The following ZNF394 variants were observed in gnomAD, a reference collection of about 807,000 sequenced individuals.
The protein encoded by ZNF394 is zinc finger protein 99.
In ZNF394, 19 loss-of-function variants were observed where a neutral mutation model predicts 21.8. That is an observed-to-expected ratio of 0.87 (90% CI 0.61 to 1.28). ZNF394 has a LOEUF of 1.28. Ranked by LOEUF, ZNF394 falls within the 50% of genes most tolerant of loss-of-function variation. The pLI is 0.00. For missense variants in ZNF394, 683 were observed against 708.6 expected, an observed-to-expected ratio of 0.96 and a Z score of 0.41; for synonymous variants, 294 against 273.3, an observed-to-expected ratio of 1.08 and a Z score of -0.75.
At chr7:99,495,944 C>T (rs1800293684) in intron 2 of ZNF394, among the ~76,000 whole-genome samples, 1 of 151,058 alleles carries the variant, frequency 6.6e-6, no homozygotes, top group South Asian at 2.1e-4. Flanking sequence ...CTTTTTGAGA[C>T]AGAGTCTCAC....
At chr7:99,488,071 CAAAAAAAAAAAAA>C (rs1180851983) in intron 1 of ZNF394, among the ~76,000 whole-genome samples, 3 of 68,254 alleles carry the variant, frequency 4.4e-5, no homozygotes, top group Non-Finnish European at 1.0e-4. Context: ...GACTCCGTCT[CAAAAAAAAAAAAA>C]AAAAAAAAAC....
intron 2 of ZNF394, among the ~76,000 whole-genome samples, chr7:99,497,155 T>TATATATATATATATATATATATAA (rs1285527600): frequency 7.5e-6 from 1 of 132,612 alleles, no homozygotes; most frequent in African/African-American, 3.2e-5. Context: ...TATATATATA[T>TATATATATATATATATATATATAA]AAAATGTTTT....
chr7:99,487,773 CAA>C (rs1195630820), intron 1 of ZNF394, among the ~76,000 whole-genome samples: 2 of 140,498 alleles, frequency 1.4e-5, no homozygotes, highest in East Asian at 2.1e-4. Flanking sequence ...GAGGCTGTCT[CAA>C]AAAAAAAAAA....
intron 1 of ZNF394, among the ~76,000 whole-genome samples, chr7:99,488,112 G>A (rs1450999779): frequency 1.3e-5 from 2 of 150,602 alleles, no homozygotes; most frequent in African/African-American, 4.9e-5. Context: ...AGGTTATTAG[G>A]CTGTTGTGTC....
chr7:99,487,839 G>A (rs958750052), intron 1 of ZNF394, among the ~76,000 whole-genome samples: 3 of 151,740 alleles, frequency 2.0e-5, no homozygotes, highest in Non-Finnish European at 2.9e-5. Flanking sequence ...TTGGGAGGCC[G>A]AGGTGGGCGG....
rs142631169 is a variant in ZNF394 at position 99,499,956 on chromosome 7, G to A, written c.138C>T (p.Pro46=). ...LLPVKVEEDS[P]GSWEPNYPAA... ...CGGGATAGTTGGGCTCCCAACTTCC[G>A]GGTGAGTCTTCCTCCACTTTCACGG... is the stretch of plus-strand genomic sequence containing the variant. Residue 46 remains proline, a synonymous_variant, in exon 1 of 3, where the codon CCC becomes CCT. Transcript: ENST00000337673. 6.2e-7 allele frequency: 1 copy of A among 1,613,854 alleles called. No individual in the cohort carries two copies. Among genetic ancestry groups the A allele is most frequent in the African/African-American group, 1.3e-5 (1 of 75,070 alleles).
At chr7:99,498,638 T>C (rs370445866) in intron 2 of ZNF394, 78 bp downstream of exon 2, 25 of 1,591,122 alleles carry the variant, frequency 1.6e-5, no homozygotes, top group Non-Finnish European at 2.1e-5. Context: ...GGGAATGGCA[T>C]AGTGGCTCAG....
chr7:99,499,411 AAG>A (rs1278562297), intron 1 of ZNF394, among the ~76,000 whole-genome samples: 12 of 151,560 alleles, frequency 7.9e-5, no homozygotes, highest in African/African-American at 2.9e-4. Context: ...AAAAAAAAAA[AAG>A]AAAAGAAAAA....
chr7:99,487,603 G>T, intron 1 of ZNF394: 2 of 1,281,634 alleles, frequency 1.6e-6, no homozygotes, highest in Non-Finnish European at 2.1e-6. Context: ...TTTTTCTATG[G>T]GAGCCATCTT....
intron 2 of ZNF394, among the ~76,000 whole-genome samples, chr7:99,497,482 T>C (rs1800375129): frequency 6.7e-6 from 1 of 149,784 alleles, no homozygotes; most frequent in Non-Finnish European, 1.5e-5. Flanking sequence ...GCCTGGCCTA[T>C]AATGTTTTTC....
At position 99,493,398 on chromosome 7, in the gene ZNF394, A is replaced by G. The variant is rs1800204237; in HGVS notation, c.*131T>C. The G allele has an allele frequency of 3.0e-6, 3 of 1,000,222 alleles. No individual in the cohort carries two copies. The highest frequency in any genetic ancestry group is 3.3e-5 in the African/African-American group (2 of 61,240). 62.0% of individuals were successfully genotyped at this position (1,000,222 alleles called of 1,614,324 possible). Reference sequence around the variant, plus strand: ...CAGCCTCCCGAATAGCTGGGCTTACAGGCATGCACCACCATGCCCGGCTCA... The same window carrying G: ...CAGCCTCCCGAATAGCTGGGCTTACGGGCATGCACCACCATGCCCGGCTCA... On this transcript the variant is annotated 3_prime_UTR_variant, in exon 3 of 3. Coordinates refer to ENST00000337673, the MANE Select transcript of ZNF394 (RefSeq NM_032164.4).
chr7:99,498,786 G>C lies in ZNF394; in HGVS notation c.513C>G (p.Arg171=). Residue 171 remains arginine (R), a synonymous_variant, in exon 2 of 3, where the codon CGC becomes CGG. Transcript: ENST00000337673. ...AGAAGTCCCTCCGTGCTGGGTCCAG[G>C]CGCTCCCACTCCTCCCAGGTTAGAG... ...AVSLTWEEWE[R]LDPARRDFCR... is the part of the protein sequence containing the mutation. 6.2e-7 allele frequency: 1 copy of C among 1,614,068 alleles called. No homozygotes were observed. The highest frequency in any genetic ancestry group is 8.5e-7 in the Non-Finnish European group (1 of 1,180,006).
rs182242623 is a variant in ZNF394 at position 99,500,169 on chromosome 7, G to A, written c.-76C>T. 21 of 1,428,926 alleles carry A rather than the reference G, an allele frequency of 1.5e-5. 1 individual carries two copies. In the African/African-American group the frequency reaches 2.6e-4, roughly 17 times the overall value. 88.5% of individuals were successfully genotyped at this position (1,428,926 alleles called of 1,614,324 possible). A position where few individuals can be genotyped will look rare whatever the true frequency, so the allele number is the denominator to read the frequency against. On this transcript the variant is annotated 5_prime_UTR_variant, in exon 1 of 3. Transcript: ENST00000337673. ...AAGAGCAAACCCAAGGAACTCATCA[G>A]CCGTCAACACCCTCCGGTCCCAAAC... is the stretch of plus-strand genomic sequence containing the variant.
In ZNF394 at chr7:99,493,557, G is replaced by A. The variant is rs145296953; in HGVS notation, c.1658C>T (p.Ser553Leu). The A allele has an allele frequency of 1.5e-4, 248 of 1,611,510 alleles. No individual in the cohort carries two copies. In the South Asian group the frequency reaches 2.1e-3, roughly 14 times the overall value. ...TAGGCGTGAGCCACCACGCCCAGCCGACAGCACTTTATTTTGATGAATTCT... is the reference window on the plus strand; with the variant it reads ...TAGGCGTGAGCCACCACGCCCAGCCAACAGCACTTTATTTTGATGAATTCT... ...HQRIHQNKVL[S>L]AGRGGSRL The change falls in exon 3 of 3, where the codon TCG becomes TTG. Residue 553 changes from serine (S) to leucine (L), a missense_variant. This residue lies in a region of ZNF394 where 274 missense variants were observed against 314.1 expected (regional missense o/e 0.87). Coordinates refer to ENST00000337673, the MANE Select transcript of ZNF394 (RefSeq NM_032164.4).
intron 1 of ZNF394, 43 bp downstream of exon 1, chr7:99,499,594 AT>A (rs750918990): frequency 6.6e-7 from 1 of 1,511,480 alleles, no homozygotes; most frequent in South Asian, 1.3e-5. Context: ...CTAAACGCCT[AT>A]TTTCCACACT....
chr7:99,498,427 T>C, intron 2 of ZNF394: 1 of 294,372 alleles, frequency 3.4e-6, no homozygotes, highest in South Asian at 3.5e-5. Context: ...TACTATTTCC[T>C]TGGCAATATG....
At position 99,486,688 on chromosome 7, in the gene ZNF394, C is replaced by G. The variant is rs149797851; in HGVS notation, n.359G>C. ...CAGGGGCTTCCTTCAAAACCTTAAC[C>G]TTATTCAAGATCAGAATGCGCAAAC... On this transcript the variant is annotated non_coding_transcript_exon_variant, in exon 2 of 2. Transcript: ENST00000462024. 298 of 1,614,186 alleles carry G rather than the reference C, an allele frequency of 1.8e-4. 3 individuals carry two copies. The South Asian group carries it at 2.9e-3, about 16-fold the overall frequency.
In ZNF394 at chr7:99,498,797, C is replaced by T. The variant is rs1223957986; in HGVS notation, c.502G>A (p.Glu168Lys). The T allele has an allele frequency of 1.9e-6, 3 of 1,614,006 alleles. No individual in the cohort carries two copies. The highest frequency in any genetic ancestry group is 2.5e-6 in the Non-Finnish European group (3 of 1,180,014). ...CGTGCTGGGTCCAGGCGCTCCCACT[C>T]CTCCCAGGTTAGAGACACAGCCGTG... ...EDTAVSLTWE[E>K]WERLDPARRD... The change falls in exon 2 of 3, where the codon GAG becomes AAG. Residue 168 changes from glutamate to lysine, a missense_variant. Physicochemically the swap from Glu to Lys is moderately conservative, Grantham distance 56 (BLOSUM62 1). This residue lies in a region of ZNF394 where 402 missense variants were observed against 373.8 expected (regional missense o/e 1.08). Coordinates refer to ENST00000337673, the MANE Select transcript of ZNF394 (RefSeq NM_032164.4).
chr7:99,498,833 T>C lies in ZNF394; in HGVS notation c.466A>G (p.Thr156Ala), dbSNP rs1800418943. 1 of 1,612,976 alleles carries C rather than the reference T, an allele frequency of 6.2e-7. No individual in the cohort carries two copies. Among genetic ancestry groups the C allele is most frequent in the Non-Finnish European group, 8.5e-7 (1 of 1,179,468 alleles). ...LDGTSSQGMV[T>A]FEDTAVSLTW... ...AGAGACACAGCCGTGTCCTCGAAAGTCACCATCCCCTGGAACAACACAAGA... is the reference window on the plus strand; with the variant it reads ...AGAGACACAGCCGTGTCCTCGAAAGCCACCATCCCCTGGAACAACACAAGA... The change falls in exon 2 of 3, where the codon ACT becomes GCT. Residue 156 changes from threonine (T) to alanine (A), a missense_variant. This residue lies in a region of ZNF394 where 402 missense variants were observed against 373.8 expected (regional missense o/e 1.08). Transcript: ENST00000337673.
Sources: allele counts gnomAD v4.1 joint callset (sites outside exome capture counted in the v4.1 genomes callset), GRCh38; gene constraint gnomAD v4.1.1; regional missense constraint gnomAD v4.1.1; transcripts MANE v1.5; gene names NCBI Gene and HGNC (gene_info 2026-07-23, HGNC 2026-07-21).